Variants in PCDHGA8 observed in about 807,000 individuals in gnomAD.
The protein encoded by PCDHGA8 is protocadherin gamma subfamily A, 8.
PCDHGA8 carries 45 observed loss-of-function variants against 59.2 expected under a neutral mutation model. The ratio of observed to expected loss-of-function variants is 0.76; its 90% confidence interval spans 0.60 to 0.98. PCDHGA8 has a LOEUF of 0.98. Ranked by LOEUF, PCDHGA8 falls within the 50% of genes least tolerant of loss-of-function variation. The pLI, the probability that PCDHGA8 is intolerant of heterozygous loss-of-function variation, is 0.00. For synonymous variants in PCDHGA8, 531 were observed against 519.0 expected (o/e 1.02, Z -0.32); for missense variants, 1,257 against 1,196.2 (o/e 1.05, Z -0.75).
chr5:141,490,796 A>G lies in PCDHGA8; in HGVS notation c.2425-4011A>G. ...CCAGAGGATGGACGGATCTTTGCCC[A>G]GCGTACCTTTGACTATGAATTGCTG... On this transcript the variant is annotated intron_variant, in intron 1 of 3. Coordinates refer to ENST00000398604, the MANE Select transcript of PCDHGA8 (RefSeq NM_032088.2). The surrounding 1 kb of genome is among the most constrained non-coding windows in gnomAD (Gnocchi z 5.4). The G allele has an allele frequency of 6.2e-7, 1 of 1,613,978 alleles. No individual in the cohort carries two copies. The highest frequency in any genetic ancestry group is 8.5e-7 in the Non-Finnish European group (1 of 1,179,904).
At chr5:141,401,533 C>CA (rs902946394) in intron 1 of PCDHGA8, among the ~76,000 whole-genome samples, 5 of 151,672 alleles carry the variant, frequency 3.3e-5, no homozygotes, top group Admixed American at 6.6e-5. Flanking sequence ...AAGAAACTTA[C>CA]AAAAAAAAGG....
Position 141,487,552 on chromosome 5 carries a change from A to C in PCDHGA8, c.2425-7255A>C. On this transcript the variant is annotated intron_variant, in intron 1 of 3. Coordinates refer to ENST00000398604, the MANE Select transcript of PCDHGA8 (RefSeq NM_032088.2). The surrounding 1 kb of genome is among the most constrained non-coding windows in gnomAD (Gnocchi z 5.0). ...TCATGATGGTGAAGTCACCCAGTGC[A>C]CCTATGGCAGGGGAGCCTGTTCGCC... is the stretch of plus-strand genomic sequence containing the variant. 2 of 1,614,116 alleles carry C rather than the reference A, an allele frequency of 1.2e-6. No homozygotes were observed. The highest frequency in any genetic ancestry group is 1.7e-6 in the Non-Finnish European group (2 of 1,180,024).
chr5:141,427,556 C>A (rs1022143090), intron 1 of PCDHGA8: 7 of 649,144 alleles, frequency 1.1e-5, no homozygotes, highest in African/African-American at 1.1e-4. Flanking sequence ...CTGCCACTGA[C>A]AAGGGCAAGC....
At chr5:141,500,822 T>A (rs1377955680) in intron 2 of PCDHGA8, among the ~76,000 whole-genome samples, 1 of 152,240 alleles carries the variant, frequency 6.6e-6, no homozygotes, top group African/African-American at 2.4e-5. Context: ...TACATATTAT[T>A]TTTCTAATGC....
At chr5:141,411,567 G>A (rs1390794685) in intron 1 of PCDHGA8, 1 of 152,186 alleles carries the variant, frequency 6.6e-6, no homozygotes, top group Non-Finnish European at 1.5e-5. Context: ...CTGGGCGACA[G>A]AGTGCGACCC....
chr5:141,422,355 T>A, intron 1 of PCDHGA8: 1 of 1,557,416 alleles, frequency 6.4e-7, no homozygotes, highest in Non-Finnish European at 8.6e-7. Flanking sequence ...AAGATCAAGA[T>A]TCTGGAGAAA....
At chr5:141,422,900 A>G (rs2096684887) in intron 1 of PCDHGA8, 2 of 1,614,220 alleles carry the variant, frequency 1.2e-6, no homozygotes, top group South Asian at 2.2e-5. Flanking sequence ...GACCAGAACG[A>G]CAATGCGCCC....
chr5:141,426,371 C>T (rs987346395), intron 1 of PCDHGA8: 4 of 217,048 alleles, frequency 1.8e-5, no homozygotes, highest in African/African-American at 9.0e-5. Context: ...TGCGGGGCAC[C>T]CTCGGAGCAG....
At chr5:141,437,312 G>T (rs2097875410) in intron 1 of PCDHGA8, among the ~76,000 whole-genome samples, 1 of 152,176 alleles carries the variant, frequency 6.6e-6, no homozygotes, top group South Asian at 2.1e-4. Context: ...AAAGCGTTCA[G>T]CTATAATTTA....
rs1280755615 is a variant in PCDHGA8, at chr5:141,431,629, A to G, written c.2424+36392A>G. 1 of 1,614,246 alleles carries G rather than the reference A, an allele frequency of 6.2e-7. No individual in the cohort carries two copies. ...GGTATGTGGACGACAAGGCGGCCCA[A>G]GTTTTCAAACTAGATTGTAATTCAG... On this transcript the variant is annotated intron_variant, in intron 1 of 3. Transcript: ENST00000398604. The surrounding 1 kb of genome is among the most constrained non-coding windows in gnomAD (Gnocchi z 4.8).
rs372043756 is a variant in PCDHGA8 at position 141,476,212 on chromosome 5, C to G, written c.2425-18595C>G. ...GTGCCTTGAACAAGGCTTCCACGGT[C>G]ATTCACTATGAGATCCCGGAGGAAA... On this transcript the variant is annotated intron_variant, in intron 1 of 3. Coordinates refer to ENST00000398604, the MANE Select transcript of PCDHGA8 (RefSeq NM_032088.2). The surrounding 1 kb of genome is among the most constrained non-coding windows in gnomAD (Gnocchi z 7.6). 6 of 1,613,932 alleles carry G rather than the reference C, an allele frequency of 3.7e-6. No individual in the cohort carries two copies. The highest frequency in any genetic ancestry group is 5.1e-6 in the Non-Finnish European group (6 of 1,180,012).
At chr5:141,434,763 C>T (rs2097714876) in intron 1 of PCDHGA8, among the ~76,000 whole-genome samples, 1 of 151,296 alleles carries the variant, frequency 6.6e-6, no homozygotes, top group South Asian at 2.1e-4. Flanking sequence ...TTCCCCACTT[C>T]ACACTTCTAA....
chr5:141,442,596 T>C (rs2154559877), intron 1 of PCDHGA8: 1 of 152,310 alleles, frequency 6.6e-6, no homozygotes, highest in South Asian at 2.1e-4. Flanking sequence ...TTAAATATTT[T>C]CAGAGATCTC....
chr5:141,494,674 C>A lies in PCDHGA8; in HGVS notation c.2425-133C>A, dbSNP rs532644387. ...ATTTTGTCTTTGGAGATGAGTCCAC[C>A]CCTGCCCCCTCTTAGTCCGTTTTCT... is the stretch of plus-strand genomic sequence containing the variant. On this transcript the variant is annotated intron_variant, in intron 1 of 3. Transcript: ENST00000398604. 3.4e-5 allele frequency: 53 copies of A among 1,545,802 alleles called. No homozygotes were observed. In the African/African-American group the frequency reaches 6.5e-4, roughly 19 times the overall value.
In PCDHGA8 at chr5:141,419,493, A is replaced by G. The variant is rs1246204844; in HGVS notation, c.2424+24256A>G. 5.0e-6 allele frequency: 8 copies of G among 1,612,382 alleles called. No individual in the cohort carries two copies. The highest frequency in any genetic ancestry group is 1.7e-4 in the Middle Eastern group (1 of 5,978). On this transcript the variant is annotated intron_variant, in intron 1 of 3. Coordinates refer to ENST00000398604, the MANE Select transcript of PCDHGA8 (RefSeq NM_032088.2). ...CAGGGCTCGCCCGCGCTCAGCGCCA[A>G]TGTGAGCCTGCGCGTGTTGGTGGGC...
Position 141,393,972 on chromosome 5 carries a change from C to T in PCDHGA8, c.1159C>T (p.Arg387Cys). ...GAATGGTCAAGTTGTCTGTTACACA[C>T]GTGATAATTTACCTTTTAAATTAGA... Reference protein sequence around the residue: ...GKNGQVVCYTRDNLPFKLEKS... With the variant: ...GKNGQVVCYTCDNLPFKLEKS... Residue 387 changes from arginine to cysteine, a missense_variant, in exon 1 of 4, where the codon CGT (arginine) becomes TGT (cysteine). Coordinates refer to ENST00000398604, the MANE Select transcript of PCDHGA8 (RefSeq NM_032088.2). 1 of 1,613,790 alleles carries T rather than the reference C, an allele frequency of 6.2e-7. No individual in the cohort carries two copies. Among genetic ancestry groups the T allele is most frequent in the Non-Finnish European group, 8.5e-7 (1 of 1,179,824 alleles).
chr5:141,416,062 T>G, intron 1 of PCDHGA8: 1 of 176,822 alleles, frequency 5.7e-6, no homozygotes, highest in Non-Finnish European at 1.2e-5. Flanking sequence ...AATCCAAGAA[T>G]ACTCAATGCA....
chr5:141,404,725 G>A (rs1381392805), intron 1 of PCDHGA8: 1 of 1,613,980 alleles, frequency 6.2e-7, no homozygotes, highest in Non-Finnish European at 8.5e-7. Context: ...TGACCAAGGT[G>A]GTGGCAGTGG....
At chr5:141,423,712 T>C (rs1231796741) in intron 1 of PCDHGA8, 2 of 1,313,518 alleles carry the variant, frequency 1.5e-6, no homozygotes, top group Admixed American at 3.2e-5. Flanking sequence ...CACAAGTCTT[T>C]TAAGGAGATG....
Sources: gnomAD v4.1 joint callset for allele counts (sites outside exome capture counted in the v4.1 genomes callset) on GRCh38, gnomAD v4.1.1 for gene constraint, Gnocchi (gnomAD v3.1) non-coding constraint, MANE v1.5 for transcripts, NCBI Gene and HGNC (gene_info 2026-07-23, HGNC 2026-07-21) for gene names.